Variants in CSGALNACT2 observed in about 807,000 individuals in gnomAD.
CSGALNACT2 encodes the protein chondroitin sulfate N-acetylgalactosaminyltransferase 2.
A neutral mutation model predicts 55.3 loss-of-function variants in CSGALNACT2; 35 were observed. The ratio of observed to expected loss-of-function variants is 0.63; its 90% CI spans 0.48 to 0.84. CSGALNACT2 has a LOEUF of 0.84. CSGALNACT2 is among the 40% of genes least tolerant of loss of function. The probability of loss-of-function intolerance (pLI) is 0.00; values close to 1 mark genes in which losing one functional copy is unlikely to be tolerated. For synonymous variants in CSGALNACT2, 196 were observed against 224.9 expected (o/e 0.87, Z 1.15); for missense variants, 544 against 657.5 (o/e 0.83, Z 1.89).
intron 6 of CSGALNACT2, among the ~76,000 whole-genome samples, chr10:43,170,874 G>T (rs12773930): frequency 0.073 from 11,076 of 152,168 alleles, 535 homozygotes; most frequent in Admixed American, 0.13. Flanking sequence ...AAGTCACAGG[G>T]AAAGCTGCAG....
intron 7 of CSGALNACT2, among the ~76,000 whole-genome samples, chr10:43,176,443 T>G (rs1037296101): frequency 2.0e-5 from 3 of 152,176 alleles, no homozygotes; most frequent in African/African-American, 7.2e-5. Flanking sequence ...AAACCTCCTT[T>G]ACTTGTCTAG....
intron 1 of CSGALNACT2, among the ~76,000 whole-genome samples, chr10:43,142,063 T>C (rs562832739): frequency 9.2e-4 from 140 of 152,344 alleles, no homozygotes; most frequent in Non-Finnish European, 1.7e-3. Context: ...GTATTTATTT[T>C]GTGAAATTTT....
intron 4 of CSGALNACT2, chr10:43,162,382 T>G (rs1839169707): frequency 5.2e-6 from 5 of 967,122 alleles, no homozygotes; most frequent in African/African-American, 1.8e-5. Flanking sequence ...GTATTGGGAC[T>G]GGCCCAGCTT....
intron 7 of CSGALNACT2, among the ~76,000 whole-genome samples, chr10:43,182,188 A>G (rs927541047): frequency 6.6e-6 from 1 of 151,794 alleles, no homozygotes; most frequent in Non-Finnish European, 1.5e-5. Flanking sequence ...GTTCTGGGGA[A>G]GTTTATAAGT....
In CSGALNACT2 at chr10:43,155,885, T is replaced by C. The variant is rs111984309; in HGVS notation, c.661+75T>C. The C allele has an allele frequency of 5.3e-4, 659 of 1,236,216 alleles. 3 individuals are homozygous for C. The African/African-American group carries it at 9.0e-3, about 17-fold the overall frequency. The allele number at this position is 1,236,216 out of a possible 1,614,324, so 76.6% of individuals were successfully genotyped here. On this transcript the variant is annotated intron_variant, in intron 2 of 7. Coordinates refer to ENST00000374466, the MANE Select transcript of CSGALNACT2 (RefSeq NM_018590.5). ...AGTATTGTATGCTGGTATTGTATTG[T>C]AGTATTGTACTGTAGACAAATGCTA...
At chr10:43,144,057 G>A (rs1838689856) in intron 1 of CSGALNACT2, among the ~76,000 whole-genome samples, 3 of 152,114 alleles carry the variant, frequency 2.0e-5, no homozygotes, top group Admixed American at 2.0e-4. Flanking sequence ...CCAAATAATT[G>A]TGTGGCTTTG....
chr10:43,170,360 A>G (rs4948706), intron 6 of CSGALNACT2, among the ~76,000 whole-genome samples: 36,027 of 152,134 alleles, frequency 0.24, 4,522 homozygotes, highest in Non-Finnish European at 0.29. Flanking sequence ...GGCAAAAAAT[A>G]TACAAGAAGA....
At chr10:43,154,687 A>G (rs1479982351) in intron 1 of CSGALNACT2, among the ~76,000 whole-genome samples, 1 of 152,014 alleles carries the variant, frequency 6.6e-6, no homozygotes, top group Non-Finnish European at 1.5e-5. Flanking sequence ...AGATTGTGCC[A>G]CTGCATTCCA....
intron 2 of CSGALNACT2, 80 bp from the exon 3 acceptor site, chr10:43,158,635 T>A: frequency 1.2e-6 from 1 of 821,920 alleles, no homozygotes; most frequent in Middle Eastern, 2.3e-4. Flanking sequence ...CCTTTATGTT[T>A]AAGTGAGTAA....
At chr10:43,143,005 A>G (rs994541764) in intron 1 of CSGALNACT2, among the ~76,000 whole-genome samples, 2 of 152,372 alleles carry the variant, frequency 1.3e-5, no homozygotes, top group East Asian at 1.9e-4. Flanking sequence ...TTTTACTTGA[A>G]TAAGTGTTAT....
At position 43,155,095 on chromosome 10, in the gene CSGALNACT2, A is replaced by G. The variant is rs1441159583; in HGVS notation, c.-55A>G. On this transcript the variant is annotated 5_prime_UTR_variant, in exon 2 of 8. Coordinates refer to ENST00000374466, the MANE Select transcript of CSGALNACT2 (RefSeq NM_018590.5). ...TTTTAATTTTTGATAACTTTTTACT[A>G]AAGGTATGAACACACAAAGAGCTTA... The G allele has an allele frequency of 1.5e-6, 2 of 1,322,436 alleles. No individual in the cohort carries two copies. The highest frequency in any genetic ancestry group is 4.5e-5 in the Admixed American group (2 of 44,478). 81.9% of individuals were successfully genotyped at this position (1,322,436 alleles called of 1,614,324 possible). A position where few individuals can be genotyped will look rare whatever the true frequency, so the allele number is the denominator to read the frequency against.
chr10:43,176,071 C>A, intron 7 of CSGALNACT2, 39 bp downstream of exon 7: 1 of 1,476,248 alleles, frequency 6.8e-7, no homozygotes. Flanking sequence ...ACTTTATTTA[C>A]TCCAGACTTA....
intron 5 of CSGALNACT2, among the ~76,000 whole-genome samples, chr10:43,165,535 C>T (rs908909600): frequency 2.0e-5 from 3 of 152,046 alleles, no homozygotes; most frequent in African/African-American, 7.2e-5. Context: ...CACAGTAGCT[C>T]ACACCTTAAT....
rs1838970866 is a variant in CSGALNACT2, at chr10:43,155,308, TAAAGA to T, written c.160_164del (p.Lys54ValfsTer36). On this transcript the variant is annotated frameshift_variant, in exon 2 of 8. Transcript: ENST00000374466. LOFTEE classifies it high-confidence loss of function. ...CTGGTGTTGTTGGGGAAAATTATGG[TAAAGA>T]GTATTATCAAGCCCTCCTACAGGAA... is the stretch of plus-strand genomic sequence containing the variant. The T allele has an allele frequency of 6.2e-7, 1 of 1,613,900 alleles. No individual in the cohort carries two copies. Among genetic ancestry groups the T allele is most frequent in the South Asian group, 1.1e-5 (1 of 91,072 alleles).
intron 1 of CSGALNACT2, among the ~76,000 whole-genome samples, chr10:43,148,127 C>G (rs1838800932): frequency 6.6e-6 from 1 of 152,084 alleles, no homozygotes; most frequent in Non-Finnish European, 1.5e-5. Flanking sequence ...CCAGTTGTCC[C>G]AGTACTATTT....
chr10:43,141,670 C>T (rs1213423004), intron 1 of CSGALNACT2, among the ~76,000 whole-genome samples: 1 of 147,578 alleles, frequency 6.8e-6, no homozygotes, highest in Admixed American at 6.8e-5. Flanking sequence ...GAAAGACTAC[C>T]CATGACATGC....
At chr10:43,171,239 G>A (rs998292391) in intron 6 of CSGALNACT2, among the ~76,000 whole-genome samples, 2 of 151,948 alleles carry the variant, frequency 1.3e-5, no homozygotes, top group African/African-American at 4.8e-5. Context: ...CAACTTCTTT[G>A]TAAATCTAAA....
At chr10:43,143,492 AATGT>A (rs1358533803) in intron 1 of CSGALNACT2, among the ~76,000 whole-genome samples, 2 of 117,832 alleles carry the variant, frequency 1.7e-5, no homozygotes, top group African/African-American at 7.0e-5. Context: ...GCTCTCCAAA[AATGT>A]GTGTGTGTGT....
At chr10:43,161,097 A>G (rs989528380) in intron 4 of CSGALNACT2, among the ~76,000 whole-genome samples, 3 of 152,218 alleles carry the variant, frequency 2.0e-5, no homozygotes, top group Non-Finnish European at 4.4e-5. Flanking sequence ...AGCAAGTCAT[A>G]TAGTACCTGG....
Sources: gnomAD v4.1 joint callset for allele counts (sites outside exome capture counted in the v4.1 genomes callset) on GRCh38, gnomAD v4.1.1 for gene constraint, MANE v1.5 for transcripts, NCBI Gene and HGNC (gene_info 2026-07-23, HGNC 2026-07-21) for gene names.